PCDH15: variants seen among roughly 807,000 people sequenced by gnomAD.
PCDH15 encodes the protein protocadherin-15.
A neutral mutation model predicts 178.5 loss-of-function variants in PCDH15; 129 were observed. That is an observed-to-expected ratio of 0.72 (90% confidence interval 0.63 to 0.84). The LOEUF (loss-of-function observed/expected upper bound fraction) is 0.84. Ranked by LOEUF, PCDH15 falls within the 40% of genes least tolerant of loss-of-function variation. The pLI, the probability that PCDH15 is intolerant of heterozygous loss-of-function variation, is 0.00. For synonymous variants in PCDH15, 800 were observed against 732.0 expected (o/e 1.09, Z -1.50); for missense variants, 2,230 against 2,099.9 (o/e 1.06, Z -1.21).
At chr10:54,750,017 T>C (rs1002241698) in intron 1 of PCDH15, among the ~76,000 whole-genome samples, 2 of 151,696 alleles carry the variant, frequency 1.3e-5, no homozygotes, top group Non-Finnish European at 2.9e-5. Flanking sequence ...GTCTTACTAC[T>C]CTCATTAGCA....
At chr10:53,913,768 CA>C (rs1029940595) in intron 25 of PCDH15, among the ~76,000 whole-genome samples, 1 of 148,388 alleles carries the variant, frequency 6.7e-6, no homozygotes, top group Non-Finnish European at 1.5e-5. Flanking sequence ...AAACAAAAAA[CA>C]AAAAAAAACA....
intron 2 of PCDH15, among the ~76,000 whole-genome samples, chr10:55,375,254 A>T (rs903943287): frequency 1.3e-5 from 2 of 152,132 alleles, no homozygotes; most frequent in Non-Finnish European, 2.9e-5. Flanking sequence ...GAAAGGTATC[A>T]AATTTCTTTA....
At chr10:54,944,008 A>G (rs1046041033) in intron 2 of PCDH15, among the ~76,000 whole-genome samples, 17 of 151,874 alleles carry the variant, frequency 1.1e-4, no homozygotes, top group Non-Finnish European at 1.8e-4. Flanking sequence ...GATTCAGAGG[A>G]GATAAGGCCT....
intron 2 of PCDH15, among the ~76,000 whole-genome samples, chr10:54,552,212 C>T (rs2086696284): frequency 6.6e-6 from 1 of 152,232 alleles, no homozygotes; most frequent in Non-Finnish European, 1.5e-5. Flanking sequence ...TGAATGTACT[C>T]TCCTCTGATT....
intron 5 of PCDH15, among the ~76,000 whole-genome samples, chr10:54,364,070 G>A (rs1946449381): frequency 6.6e-6 from 1 of 152,000 alleles, no homozygotes; most frequent in Non-Finnish European, 1.5e-5. Context: ...AAATTAGCTG[G>A]GTGTGGTGGC....
At chr10:54,103,556 A>C (rs2094851655) in intron 15 of PCDH15, among the ~76,000 whole-genome samples, 1 of 152,148 alleles carries the variant, frequency 6.6e-6, no homozygotes, top group Non-Finnish European at 1.5e-5. Context: ...AGCACTGGTC[A>C]AGGGTATATC....
intron 1 of PCDH15, among the ~76,000 whole-genome samples, chr10:55,196,929 G>T (rs1355294471): frequency 1.3e-5 from 2 of 151,864 alleles, no homozygotes; most frequent in African/African-American, 4.8e-5. Flanking sequence ...ATTGGAGAAA[G>T]AATTTTTAAA....
At chr10:53,810,738 C>A in intron 36 of PCDH15, 74 bp from the exon 37 acceptor site, 7 of 1,328,272 alleles carry the variant, frequency 5.3e-6, no homozygotes, top group Non-Finnish European at 7.6e-6. Context: ...TGATCTGTTT[C>A]CTTCTTTTTC....
intron 26 of PCDH15, among the ~76,000 whole-genome samples, chr10:53,890,367 AGTGAGCTGAGATGG>A (rs1449255826): frequency 2.6e-5 from 4 of 152,186 alleles, no homozygotes; most frequent in Admixed American, 6.5e-5. Flanking sequence ...CGGAGGTTGC[AGTGAGCTGAGATGG>A]TGCCACTGCA....
chr10:54,721,044 G>A (rs1466147094), intron 1 of PCDH15, among the ~76,000 whole-genome samples: 1 of 151,864 alleles, frequency 6.6e-6, no homozygotes, highest in African/African-American at 2.4e-5. Flanking sequence ...TATCTTCTTG[G>A]ATCACAGTGG....
intron 20 of PCDH15, among the ~76,000 whole-genome samples, chr10:54,017,565 A>G (rs909092996): frequency 6.6e-6 from 1 of 152,152 alleles, no homozygotes; most frequent in Non-Finnish European, 1.5e-5. Context: ...GCATGTTCTC[A>G]CCTCTAAATG....
In PCDH15 at chr10:54,753,910, T is replaced by C. The variant is rs1288305961; in HGVS notation, c.-29+47015A>G. On this transcript the variant is annotated intron_variant, in intron 1 of 37. Coordinates refer to ENST00000644397, the MANE Select transcript of PCDH15 (RefSeq NM_001384140.1). ...TTTGTTTGTGTTTTTTTTTTTTTTT[T>C]TGAGACTGAATCTCGCTCTGTTGCC... Among the ~76,000 whole-genome samples the C allele has an allele frequency of 2.3e-4, 34 of 150,416 alleles. 2 individuals carry two copies. The East Asian group carries it at 5.7e-3, about 25-fold the overall frequency.
At chr10:54,219,912 GA>G (rs1414584785) in intron 9 of PCDH15, among the ~76,000 whole-genome samples, 2 of 151,688 alleles carry the variant, frequency 1.3e-5, no homozygotes, top group East Asian at 1.9e-4. Flanking sequence ...AAATAATGAG[GA>G]AAAAAATTGA....
intron 1 of PCDH15, among the ~76,000 whole-genome samples, chr10:55,283,040 C>T (rs546299122): frequency 6.6e-6 from 1 of 152,266 alleles, no homozygotes; most frequent in African/African-American, 2.4e-5. Flanking sequence ...CTTTGCAGGG[C>T]TAACAAATTA....
chr10:54,125,330 C>A (rs2041901561), intron 15 of PCDH15, among the ~76,000 whole-genome samples: 2 of 152,176 alleles, frequency 1.3e-5, no homozygotes, highest in Non-Finnish European at 2.9e-5. Flanking sequence ...AGTCACCTCA[C>A]TGGGAGGTGG....
At chr10:55,582,614 A>ATTT (rs1433568928) in intron 2 of PCDH15, among the ~76,000 whole-genome samples, 10 of 88,618 alleles carry the variant, frequency 1.1e-4, no homozygotes, top group Non-Finnish European at 1.6e-4. Flanking sequence ...ATATATATAT[A>ATTT]TATATATATA....
chr10:54,527,689 G>A, intron 3 of PCDH15, 123 bp downstream of exon 3: 1 of 616,916 alleles, frequency 1.6e-6, no homozygotes, highest in Admixed American at 3.3e-5. Context: ...TACTGGAGGG[G>A]AATTATCCAT....
At chr10:55,527,367 C>A (rs563135607) in intron 2 of PCDH15, among the ~76,000 whole-genome samples, 1 of 152,128 alleles carries the variant, frequency 6.6e-6, no homozygotes, top group African/African-American at 2.4e-5. Context: ...CACTGGTGAT[C>A]TTGTAGATTG....
At chr10:55,212,245 C>A (rs1349089968) in intron 1 of PCDH15, among the ~76,000 whole-genome samples, 2 of 152,108 alleles carry the variant, frequency 1.3e-5, no homozygotes, top group Non-Finnish European at 2.9e-5. Context: ...ACAGCCTATG[C>A]AAATGACACA....
Sources: gnomAD v4.1 joint callset for allele counts (sites outside exome capture counted in the v4.1 genomes callset) on GRCh38, gnomAD v4.1.1 for gene constraint, MANE v1.5 for transcripts, NCBI Gene and HGNC (gene_info 2026-07-23, HGNC 2026-07-21) for gene names.